TTC6: variants seen among roughly 807,000 people sequenced by gnomAD.
TTC6 encodes tetratricopeptide repeat domain 6.
In TTC6, 172 loss-of-function variants were observed where a neutral mutation model predicts 210.4. That is an observed-to-expected ratio of 0.82 (90% confidence interval 0.72 to 0.93). TTC6 has a LOEUF of 0.93. TTC6 is among the 40% of genes least tolerant of loss of function. The pLI is 0.00. For synonymous variants in TTC6, 804 were observed against 819.6 expected (o/e 0.98, Z 0.32); for missense variants, 2,414 against 2,318.1 (o/e 1.04, Z -0.85).
At position 37,817,765 on chromosome 14, in the gene TTC6, T is replaced by C. The variant is rs996781727; in HGVS notation, c.4763+114T>C. 8.2e-4 allele frequency: 847 copies of C among 1,030,894 alleles called. 4 individuals are homozygous for C. Among genetic ancestry groups the C allele is most frequent in the Admixed American group, 1.7e-4 (8 of 47,284 alleles). 63.9% of individuals were successfully genotyped at this position (1,030,894 alleles called of 1,614,324 possible). On this transcript the variant is annotated intron_variant, in intron 26 of 30. Transcript: ENST00000553443. ...GGAAGAAACTGGGAGAAATTGTGAA[T>C]GTTATAGAGTACAAAAATGGGGAGG...
At chr14:37,802,597 G>A (rs538233187) in intron 20 of TTC6, among the ~76,000 whole-genome samples, 1 of 152,206 alleles carries the variant, frequency 6.6e-6, no homozygotes, top group South Asian at 2.1e-4. Context: ...CTCCGGACCT[G>A]TGGAAAGTGT....
chr14:37,783,540 G>A (rs996857660), intron 14 of TTC6, among the ~76,000 whole-genome samples: 1 of 151,432 alleles, frequency 6.6e-6, no homozygotes, highest in Non-Finnish European at 1.5e-5. Flanking sequence ...TATTAGTCTT[G>A]CTAGTGGTCT....
At chr14:37,842,363 A>G (rs1320912447) in exon 31 of TTC6, 18 of 1,341,480 alleles carry the variant, frequency 1.3e-5, no homozygotes, top group Non-Finnish European at 1.7e-5. Flanking sequence ...TTTGTTGTCT[A>G]AAAGGTTCTA....
intron 15 of TTC6, 30 bp from the exon 18 acceptor site, chr14:37,790,687 A>T: frequency 1.3e-6 from 2 of 1,512,236 alleles, no homozygotes; most frequent in Non-Finnish European, 8.9e-7. Context: ...TTAGAACCTG[A>T]ATGAAATACA....
intron 24 of TTC6, among the ~76,000 whole-genome samples, chr14:37,811,811 G>C (rs1378481621): frequency 6.6e-6 from 1 of 152,118 alleles, no homozygotes; most frequent in Non-Finnish European, 1.5e-5. Context: ...TATTTTCATT[G>C]ATTCATGATT....
chr14:37,619,448 A>G (rs1437385014), upstream of TTC6, among the ~76,000 whole-genome samples: 1 of 152,236 alleles, frequency 6.6e-6, no homozygotes, highest in African/African-American at 2.4e-5. Context: ...AGAAATGTAG[A>G]TAAGTGATAA....
chr14:37,672,467 G>C (rs2095760193), intron 1 of TTC6, among the ~76,000 whole-genome samples: 1 of 152,080 alleles, frequency 6.6e-6, no homozygotes, highest in Non-Finnish European at 1.5e-5. Flanking sequence ...TTCAGGGAAA[G>C]AATCTTGACT....
chr14:37,606,091 G>A (rs1039356915), intron 1 of TTC6, among the ~76,000 whole-genome samples: 1 of 152,064 alleles, frequency 6.6e-6, no homozygotes, highest in Non-Finnish European at 1.5e-5. Flanking sequence ...AGGAAGCTTG[G>A]CAGATGTTAA....
At chr14:37,813,801 C>T (rs1444015158) in intron 25 of TTC6, among the ~76,000 whole-genome samples, 2 of 152,100 alleles carry the variant, frequency 1.3e-5, no homozygotes, top group Admixed American at 1.3e-4. Context: ...CCCCTCTTTC[C>T]TCACACCCCA....
At chr14:37,790,156 T>C (rs1334690421) in intron 15 of TTC6, among the ~76,000 whole-genome samples, 1 of 152,080 alleles carries the variant, frequency 6.6e-6, no homozygotes, top group Admixed American at 6.5e-5. Context: ...GGGATGTGCA[T>C]AGTCAAGCCG....
intron 10 of TTC6, among the ~76,000 whole-genome samples, chr14:37,743,148 C>T (rs1472139776): frequency 6.6e-6 from 1 of 152,164 alleles, no homozygotes. Flanking sequence ...TAATTTACTC[C>T]GGTTCCTCCA....
intron 1 of TTC6, among the ~76,000 whole-genome samples, chr14:37,662,667 CCTTTCCCCATCG>C (rs1354760556): frequency 1.1e-4 from 17 of 152,140 alleles, no homozygotes; most frequent in Non-Finnish European, 4.4e-5. Context: ...AATAGGGAGT[CCTTTCCCCATCG>C]CTTCTTGTTG....
exon 12 of TTC6, chr14:37,749,817 T>C (rs1167342291): frequency 7.8e-6 from 11 of 1,414,084 alleles, no homozygotes; most frequent in Non-Finnish European, 1.0e-5. Context: ...TTGAATTATA[T>C]ACATAAATAT....
At chr14:37,609,387 G>T (rs2095630611) in intron 2 of TTC6, among the ~76,000 whole-genome samples, 2 of 152,140 alleles carry the variant, frequency 1.3e-5, no homozygotes. Context: ...CTGCCCACCA[G>T]CCTGGGTGAC....
chr14:37,652,443 C>T (rs75461678), intron 1 of TTC6, among the ~76,000 whole-genome samples: 9 of 151,804 alleles, frequency 5.9e-5, no homozygotes, highest in Admixed American at 2.0e-4. Context: ...GAGAGAGAGA[C>T]GGAAGATGCA....
intron 5 of TTC6, among the ~76,000 whole-genome samples, chr14:37,703,669 C>G (rs1247238870): frequency 6.6e-6 from 1 of 151,960 alleles, no homozygotes; most frequent in Non-Finnish European, 1.5e-5. Context: ...TTATTTATGG[C>G]AAACACCAAG....
At chr14:37,750,937 T>C in intron 12 of TTC6, 116 bp from the exon 15 acceptor site, 1 of 557,140 alleles carries the variant, frequency 1.8e-6, no homozygotes, top group Non-Finnish European at 2.9e-6. Flanking sequence ...AATAAGAAAG[T>C]GTAATAGAGA....
intron 1 of TTC6, among the ~76,000 whole-genome samples, chr14:37,657,593 A>G (rs943293734): frequency 6.6e-6 from 1 of 152,194 alleles, no homozygotes; most frequent in African/African-American, 2.4e-5. Context: ...GGCTTTATGA[A>G]TTGAAAATTA....
intron 2 of TTC6, among the ~76,000 whole-genome samples, chr14:37,611,858 T>C (rs2095635201): frequency 6.6e-6 from 1 of 152,104 alleles, no homozygotes; most frequent in African/African-American, 2.4e-5. Context: ...ACCAGTTTCC[T>C]GAGTTTGGCT....
Sources: gnomAD v4.1 joint callset for allele counts (sites outside exome capture counted in the v4.1 genomes callset) on GRCh38, gnomAD v4.1.1 for gene constraint, MANE v1.5 for transcripts, NCBI Gene and HGNC (gene_info 2026-07-23, HGNC 2026-07-21) for gene names.